The following RBMS3 variants were observed in gnomAD, a reference collection of about 807,000 sequenced individuals.
RBMS3 encodes the protein RNA binding motif single stranded interacting protein 3.
In RBMS3, 27 loss-of-function variants were observed where a neutral mutation model predicts 66.8. The observed-to-expected ratio is 0.40, with a 90% confidence interval of 0.30 to 0.56. RBMS3 has a LOEUF of 0.56. Ranked by LOEUF, RBMS3 falls within the 20% of genes least tolerant of loss-of-function variation. The pLI is 0.40. For synonymous variants in RBMS3, 188 were observed against 183.0 expected (o/e 1.03, Z -0.22); for missense variants, 513 against 549.5 (o/e 0.93, Z 0.66).
At chr3:29,841,120 T>C (rs1199509058) in intron 6 of RBMS3, among the ~76,000 whole-genome samples, 1 of 151,978 alleles carries the variant, frequency 6.6e-6, no homozygotes, top group Non-Finnish European at 1.5e-5. Context: ...ATTCATGTAT[T>C]GTTCAATTAT....
At chr3:29,992,920 G>A (rs943151727) in intron 14 of RBMS3, among the ~76,000 whole-genome samples, 2 of 152,124 alleles carry the variant, frequency 1.3e-5, no homozygotes, top group African/African-American at 4.8e-5. Context: ...AAGAATGGGG[G>A]CAAAAGTCTA....
chr3:29,549,291 T>C (rs755280000), intron 3 of RBMS3, among the ~76,000 whole-genome samples: 5 of 152,102 alleles, frequency 3.3e-5, no homozygotes, highest in Non-Finnish European at 7.4e-5. Flanking sequence ...ATATCTGTGC[T>C]GTGTTTACAG....
At chr3:29,428,741 C>A (rs1575788876) in intron 1 of RBMS3, among the ~76,000 whole-genome samples, 1 of 152,182 alleles carries the variant, frequency 6.6e-6, no homozygotes, top group Non-Finnish European at 1.5e-5. Context: ...GGAAGATCTA[C>A]AAGCCAGTTC....
Position 29,386,729 on chromosome 3 carries a change from A to G in RBMS3, c.76-48014A>G, listed in dbSNP as rs577333514. 2.6e-5 allele frequency among the ~76,000 whole-genome samples: 4 copies of G among 152,112 alleles called. No individual in the cohort carries two copies. The East Asian group carries it at 7.7e-4, about 29-fold the overall frequency. Reference sequence around the variant, plus strand: ...CATTTTCAGTGACTGCCTAATCTCCACCCCATTTTAAAGCAAACTCAGTAA... The same window carrying G: ...CATTTTCAGTGACTGCCTAATCTCCGCCCCATTTTAAAGCAAACTCAGTAA... On this transcript the variant is annotated intron_variant, in intron 1 of 14. Coordinates refer to ENST00000383767, the MANE Select transcript of RBMS3 (RefSeq NM_001003793.3).
In RBMS3 at chr3:29,385,138, C is replaced by T. The variant is rs185894751; in HGVS notation, c.76-49605C>T. Among the ~76,000 whole-genome samples the T allele has an allele frequency of 1.6e-4, 25 of 152,282 alleles. No individual in the cohort carries two copies. In the East Asian group the frequency reaches 4.8e-3, roughly 29 times the overall value. On this transcript the variant is annotated intron_variant, in intron 1 of 14. Transcript: ENST00000383767. ...TTACCTGATGGTGTTTAGTATTTGC[C>T]ATTCTGAAAGATGATCAGAAAGCAA...
chr3:29,532,809 A>G (rs1437261481), intron 3 of RBMS3, among the ~76,000 whole-genome samples: 1 of 152,090 alleles, frequency 6.6e-6, no homozygotes, highest in Non-Finnish European at 1.5e-5. Context: ...ACTCAAAAAC[A>G]CTGTAATGGG....
chr3:29,737,857 T>C (rs2054451684), intron 4 of RBMS3, among the ~76,000 whole-genome samples: 1 of 138,620 alleles, frequency 7.2e-6, no homozygotes, highest in Non-Finnish European at 1.5e-5. Flanking sequence ...TGTGTGTGTG[T>C]GTGTGTGTGT....
At chr3:29,300,975 G>T (rs2033632100) in intron 1 of RBMS3, among the ~76,000 whole-genome samples, 1 of 151,886 alleles carries the variant, frequency 6.6e-6, no homozygotes, top group Non-Finnish European at 1.5e-5. Context: ...AAAACATGTG[G>T]GACCAGAGAA....
At chr3:29,321,324 A>T (rs115599095) in intron 1 of RBMS3, among the ~76,000 whole-genome samples, 322 of 152,244 alleles carry the variant, frequency 2.1e-3, no homozygotes, top group African/African-American at 7.4e-3. Flanking sequence ...ACACATTTTT[A>T]CTGTTTTCCA....
At chr3:29,705,769 T>C (rs2052858940) in intron 4 of RBMS3, among the ~76,000 whole-genome samples, 1 of 152,134 alleles carries the variant, frequency 6.6e-6, no homozygotes, top group African/African-American at 2.4e-5. Context: ...TGAGATAACA[T>C]ATATGATATA....
At chr3:29,640,262 A>ACC (rs2049645559) in intron 4 of RBMS3, among the ~76,000 whole-genome samples, 1 of 149,382 alleles carries the variant, frequency 6.7e-6, no homozygotes, top group South Asian at 2.2e-4. Flanking sequence ...GGTTACACAC[A>ACC]CACACACACA....
chr3:29,736,517 A>G (rs182954859), intron 4 of RBMS3, among the ~76,000 whole-genome samples: 33 of 152,288 alleles, frequency 2.2e-4, no homozygotes, highest in Admixed American at 1.8e-3. Flanking sequence ...GTACCCTGAG[A>G]CAATGGCGTA....
At chr3:29,379,616 G>A (rs867988247) in intron 1 of RBMS3, among the ~76,000 whole-genome samples, 12 of 152,238 alleles carry the variant, frequency 7.9e-5, no homozygotes, top group Middle Eastern at 6.8e-3. Flanking sequence ...AGAGCAGCAC[G>A]GGAAAGACCT....
At chr3:29,631,241 A>G (rs1016886416) in intron 4 of RBMS3, among the ~76,000 whole-genome samples, 3 of 151,848 alleles carry the variant, frequency 2.0e-5, no homozygotes, top group Non-Finnish European at 1.5e-5. Flanking sequence ...TTGAGGCTCT[A>G]CTTTTTTACA....
intron 1 of RBMS3, among the ~76,000 whole-genome samples, chr3:29,378,815 T>A (rs2038618756): frequency 6.6e-6 from 1 of 151,744 alleles, no homozygotes; most frequent in Non-Finnish European, 1.5e-5. Context: ...TCATTCCTAA[T>A]CATTAAGTGT....
intron 6 of RBMS3, among the ~76,000 whole-genome samples, chr3:29,861,046 G>A (rs1432412681): frequency 1.3e-5 from 2 of 152,112 alleles, no homozygotes; most frequent in African/African-American, 2.4e-5. Context: ...TGTATTTTTA[G>A]TAGAGACGGG....
intron 1 of RBMS3, among the ~76,000 whole-genome samples, chr3:29,420,446 G>C (rs2040664564): frequency 6.6e-6 from 1 of 152,098 alleles, no homozygotes; most frequent in Admixed American, 6.5e-5. Context: ...GGATTTGGTG[G>C]GATCCTAGAG....
At chr3:29,837,663 CATATATATATATATATATATATATAT>C (rs3070797) in intron 6 of RBMS3, among the ~76,000 whole-genome samples, 111 of 67,662 alleles carry the variant, frequency 1.6e-3, no homozygotes, top group East Asian at 6.1e-3. Flanking sequence ...ATATAATGAA[CATATATATATATATATATATATATAT>C]ATATATATAT....
intron 4 of RBMS3, among the ~76,000 whole-genome samples, chr3:29,669,480 C>A (rs2050902372): frequency 1.3e-5 from 2 of 152,112 alleles, no homozygotes; most frequent in South Asian, 4.1e-4. Context: ...GTGTTCCAGC[C>A]CTAGATTCAT....
Sources: allele counts gnomAD v4.1 joint callset (sites outside exome capture counted in the v4.1 genomes callset), GRCh38; gene constraint gnomAD v4.1.1; transcripts MANE v1.5; gene names NCBI Gene and HGNC (gene_info 2026-07-23, HGNC 2026-07-21).